Variants in FAM184A observed in about 807,000 individuals in gnomAD.
FAM184A encodes the protein protein FAM184A.
Under a neutral mutation model 143.8 loss-of-function variants are expected in FAM184A, and 99 were observed. That is an observed-to-expected ratio of 0.69 (90% confidence interval 0.58 to 0.81). FAM184A has a LOEUF of 0.81. Among genes scored for constraint, FAM184A ranks in the 40% least tolerant of loss-of-function variants. The pLI, the probability that FAM184A is intolerant of heterozygous loss-of-function variation, is 0.00. For missense variants in FAM184A, 1,217 were observed against 1,310.5 expected, an observed-to-expected ratio of 0.93 and a Z score of 1.10; for synonymous variants, 427 against 446.4, an observed-to-expected ratio of 0.96 and a Z score of 0.55.
intron 1 of FAM184A, among the ~76,000 whole-genome samples, chr6:119,116,735 ACT>A (rs1789072930): frequency 6.6e-6 from 1 of 152,108 alleles, no homozygotes; most frequent in African/African-American, 2.4e-5. Flanking sequence ...AGGGAAGAAG[ACT>A]CTCTCAAAGC....
intron 17 of FAM184A, chr6:118,960,627 A>G: frequency 8.5e-6 from 3 of 352,552 alleles, no homozygotes; most frequent in South Asian, 5.4e-5. Flanking sequence ...TTTTCATTTC[A>G]TAATTCCCTA....
At chr6:119,034,545 C>T in intron 1 of FAM184A, among the ~76,000 whole-genome samples, 1 of 148,790 alleles carries the variant, frequency 6.7e-6, no homozygotes. Flanking sequence ...TCGTCATATT[C>T]TTTGTCTGTT....
At chr6:119,107,331 G>A (rs1788812336) in intron 1 of FAM184A, among the ~76,000 whole-genome samples, 1 of 152,270 alleles carries the variant, frequency 6.6e-6, no homozygotes, top group Non-Finnish European at 1.5e-5. Context: ...AAATATGATG[G>A]ATTTACTCAG....
intron 1 of FAM184A, among the ~76,000 whole-genome samples, chr6:119,126,398 C>T (rs1239572976): frequency 3.3e-5 from 5 of 152,240 alleles, no homozygotes; most frequent in African/African-American, 9.6e-5. Flanking sequence ...GACCCCTTTG[C>T]AGCAGGTGGG....
At chr6:119,100,884 G>A (rs567890076) in intron 1 of FAM184A, among the ~76,000 whole-genome samples, 5 of 151,840 alleles carry the variant, frequency 3.3e-5, no homozygotes, top group East Asian at 2.0e-4. Context: ...GCTTAAACGC[G>A]GAAGGGGGCA....
chr6:119,142,576 G>A (rs1240567891), intron 1 of FAM184A, among the ~76,000 whole-genome samples: 2 of 152,192 alleles, frequency 1.3e-5, no homozygotes, highest in South Asian at 2.1e-4. Flanking sequence ...GAGTCAAGCA[G>A]CACAGGGAGA....
At chr6:119,014,204 T>C (rs961771243) in intron 5 of FAM184A, among the ~76,000 whole-genome samples, 5 of 152,264 alleles carry the variant, frequency 3.3e-5, no homozygotes, top group African/African-American at 7.2e-5. Flanking sequence ...ATGTGGTACA[T>C]AGTAAGAAGT....
intron 16 of FAM184A, chr6:118,963,790 A>T (rs990384206): frequency 6.6e-6 from 1 of 151,850 alleles, no homozygotes; most frequent in Non-Finnish European, 1.5e-5. Context: ...ATATATAATC[A>T]TTTATTCTTT....
intron 1 of FAM184A, among the ~76,000 whole-genome samples, chr6:119,053,299 A>C (rs1291952330): frequency 1.3e-5 from 2 of 152,128 alleles, no homozygotes; most frequent in Non-Finnish European, 2.9e-5. Context: ...GTTATAGAGG[A>C]CTTGTACAGC....
chr6:119,015,090 A>AAGC (rs1371867154), intron 5 of FAM184A, among the ~76,000 whole-genome samples: 6 of 151,920 alleles, frequency 3.9e-5, no homozygotes, highest in Admixed American at 6.6e-5. Context: ...AAGAAAAGAA[A>AAGC]AGCAGCAGCA....
At chr6:119,011,534 T>C (rs1258464652) in intron 5 of FAM184A, 103 bp from the exon 6 acceptor site, 3 of 744,714 alleles carry the variant, frequency 4.0e-6, no homozygotes, top group Non-Finnish European at 6.3e-6. Context: ...GAAACTTTGC[T>C]CTTCAAATTA....
intron 1 of FAM184A, among the ~76,000 whole-genome samples, chr6:119,110,587 G>A (rs553176203): frequency 6.6e-6 from 1 of 152,220 alleles, no homozygotes; most frequent in Admixed American, 6.6e-5. Flanking sequence ...CCATGGACAA[G>A]CCAGAGGCCG....
At chr6:119,095,375 C>G (rs1788478704) in intron 1 of FAM184A, among the ~76,000 whole-genome samples, 1 of 152,072 alleles carries the variant, frequency 6.6e-6, no homozygotes, top group African/African-American at 2.4e-5. Flanking sequence ...TTTTTTTACA[C>G]TTTTTATTAA....
chr6:119,078,932 G>C (rs975860511), upstream of FAM184A: 8 of 152,906 alleles, frequency 5.2e-5, no homozygotes, highest in African/African-American at 1.9e-4. This position sits in a 1 kb window ranked among gnomAD's most constrained non-coding sequence, Gnocchi z 5.5. Flanking sequence ...CCCTGGCGGC[G>C]ATCCCCGTGC....
chr6:119,023,707 G>C (rs1314224763), intron 2 of FAM184A, among the ~76,000 whole-genome samples: 1 of 150,840 alleles, frequency 6.6e-6, no homozygotes, highest in African/African-American at 2.4e-5. Context: ...AATTAGACAA[G>C]GTTTTAAGCT....
chr6:118,989,549 CTT>C (rs1784302279), intron 9 of FAM184A, among the ~76,000 whole-genome samples: 1 of 151,850 alleles, frequency 6.6e-6, no homozygotes, highest in African/African-American at 2.4e-5. Flanking sequence ...TTACTAATAA[CTT>C]AGACTAAGAT....
chr6:119,081,911 C>T (rs890576051), upstream of FAM184A, among the ~76,000 whole-genome samples: 1 of 152,196 alleles, frequency 6.6e-6, no homozygotes, highest in East Asian at 1.9e-4. Flanking sequence ...CTGATGTGCT[C>T]CTCTCAACAT....
At chr6:119,017,270 G>A (rs1257338075) in intron 4 of FAM184A, among the ~76,000 whole-genome samples, 11 of 152,286 alleles carry the variant, frequency 7.2e-5, no homozygotes, top group African/African-American at 2.4e-4. Flanking sequence ...AGGCCGAGGC[G>A]GGTGGATCAC....
chr6:119,083,052 C>G (rs1453159519), upstream of FAM184A, among the ~76,000 whole-genome samples: 1 of 152,228 alleles, frequency 6.6e-6, no homozygotes, highest in Non-Finnish European at 1.5e-5. Context: ...TTCTGTGCAC[C>G]TGCAGGCCCA....
Sources: gnomAD v4.1 joint callset for allele counts (sites outside exome capture counted in the v4.1 genomes callset) on GRCh38, gnomAD v4.1.1 for gene constraint, Gnocchi (gnomAD v3.1) non-coding constraint, MANE v1.5 for transcripts, NCBI Gene and HGNC (gene_info 2026-07-23, HGNC 2026-07-21) for gene names.